Variants in VGF observed in about 807,000 individuals in gnomAD.
VGF encodes the protein neurosecretory protein VGF.
Under a neutral mutation model 41.1 loss-of-function variants are expected in VGF, and 13 were observed. The ratio of observed to expected loss-of-function variants is 0.32; its 90% confidence interval spans 0.21 to 0.50. VGF has a LOEUF of 0.50. VGF is among the 20% of genes least tolerant of loss of function. The pLI, the probability that VGF is intolerant of heterozygous loss-of-function variation, is 0.98. For synonymous variants in VGF, 473 were observed against 418.3 expected (o/e 1.13, Z -1.60); for missense variants, 920 against 882.1 (o/e 1.04, Z -0.54).
chr7:101,162,837 G>T lies in VGF; in HGVS notation c.*159C>A, dbSNP rs867236981. 1 of 666,852 alleles carries T rather than the reference G, an allele frequency of 1.5e-6. No individual in the cohort carries two copies. Among genetic ancestry groups the T allele is most frequent in the Non-Finnish European group, 2.7e-6 (1 of 366,334 alleles). 41.3% of individuals were successfully genotyped at this position (666,852 alleles called of 1,614,324 possible). On this transcript the variant is annotated 3_prime_UTR_variant, in exon 2 of 2. Transcript: ENST00000249330. This position sits in a 1 kb window ranked among gnomAD's most constrained non-coding sequence, Gnocchi z 4.2. ...GGGAGTTCGGGCTCAGGACCCGGGA[G>T]GGGGGTCTGGCAGGTCCCGACGCAG...
rs780044479 is a variant in VGF at position 101,164,237 on chromosome 7, C to G, written c.607G>C (p.Glu203Gln). ...CCCCAGGAAGCGCGCCATACGCGCTCTGGCCCCGGGCTCTCCAGATTCACT... is the reference window on the plus strand; with the variant it reads ...CCCCAGGAAGCGCGCCATACGCGCTGTGGCCCCGGGCTCTCCAGATTCACT... Reference protein sequence around the residue: ...TRVNLESPGPERVWRASWGEF... With the variant: ...TRVNLESPGPQRVWRASWGEF... The change falls in exon 2 of 2, where the codon GAG (glutamate) becomes CAG (glutamine). Residue 203 changes from glutamate to glutamine, a missense_variant. Transcript: ENST00000249330. The G allele has an allele frequency of 1.1e-5, 18 of 1,581,274 alleles. No individual in the cohort carries two copies. The highest frequency in any genetic ancestry group is 1.5e-5 in the Non-Finnish European group (17 of 1,165,914).
upstream of VGF, among the ~76,000 whole-genome samples, chr7:101,168,016 T>G (rs1361542682): frequency 3.0e-5 from 3 of 98,898 alleles, no homozygotes; most frequent in South Asian, 1.0e-3. Flanking sequence ...GTTGTTTTTT[T>G]TTGTTTTTTT....
chr7:101,166,764 CG>C (rs1179354324), upstream of VGF, among the ~76,000 whole-genome samples: 2 of 43,030 alleles, frequency 4.6e-5, no homozygotes, highest in East Asian at 8.8e-4. Flanking sequence ...GGAGACCAGC[CG>C]TGGGCGGGGG....
At position 101,164,370 on chromosome 7, in the gene VGF, C is replaced by A. The variant is rs774284715; in HGVS notation, c.474G>T (p.Ala158=). The A allele has an allele frequency of 3.1e-6, 5 of 1,611,822 alleles. No homozygotes were observed. The East Asian group carries it at 8.9e-5, about 29-fold the overall frequency. Residue 158 remains alanine, a synonymous_variant, in exon 2 of 2, where the codon GCG becomes GCT. Coordinates refer to ENST00000249330, the MANE Select transcript of VGF (RefSeq NM_003378.4). ...EASDPSEELE[A]LASLLQELRD... ...GCAGTTCCTGGAGCAGGGACGCTAG[C>A]GCCTCGAGCTCCTCGGAGGGATCGC...
Position 101,163,903 on chromosome 7 carries a change from G to T in VGF, c.941C>A (p.Thr314Lys), listed in dbSNP as rs1425866530. The change falls in exon 2 of 2, where the codon ACG (threonine) becomes AAG (lysine). Residue 314 changes from threonine to lysine, a missense_variant. Thr to Lys is a moderately conservative substitution (Grantham distance 78). This residue lies in a region of VGF where 654 missense variants were observed against 638.4 expected (regional missense o/e 1.02). Transcript: ENST00000249330. The surrounding 1 kb of genome is among the most constrained non-coding windows in gnomAD (Gnocchi z 5.0). Reference protein sequence around the residue: ...VEAGRRQAEATRQAAAQEERL... With the variant: ...VEAGRRQAEAKRQAAAQEERL... ...CTCTTCCTGCGCCGCGGCCTGCCGCGTGGCCTCCGCCTGCCGCCGCCCGGC... is the reference window on the plus strand; with the variant it reads ...CTCTTCCTGCGCCGCGGCCTGCCGCTTGGCCTCCGCCTGCCGCCGCCCGGC... The T allele has an allele frequency of 2.7e-6, 4 of 1,472,572 alleles. No individual in the cohort carries two copies. The Admixed American group carries it at 7.4e-5, about 27-fold the overall frequency. 91.2% of individuals were successfully genotyped at this position (1,472,572 alleles called of 1,614,324 possible).
In VGF at chr7:101,162,901, C is replaced by T. The variant is rs1266798365; in HGVS notation, c.*95G>A. 2.9e-6 allele frequency: 2 copies of T among 696,434 alleles called. No homozygotes were observed. The highest frequency in any genetic ancestry group is 4.5e-6 in the Non-Finnish European group (2 of 440,186). The allele number at this position is 696,434 out of a possible 1,614,324, so 43.1% of individuals were successfully genotyped here. A position where few individuals can be genotyped will look rare whatever the true frequency, so the allele number is the denominator to read the frequency against. On this transcript the variant is annotated 3_prime_UTR_variant, in exon 2 of 2. Transcript: ENST00000249330. This position sits in a 1 kb window ranked among gnomAD's most constrained non-coding sequence, Gnocchi z 4.2. The stretch of plus-strand genomic sequence containing the variant: ...GCAGGGCCAAGGGGCAGGGCCGGGG[C>T]GCATGCAAACACCGAGGGGGAGCGG...
chr7:101,164,469 G>T lies in VGF; in HGVS notation c.375C>A (p.Ser125Arg), dbSNP rs745858208. The T allele has an allele frequency of 1.2e-6, 2 of 1,602,786 alleles. No individual in the cohort carries two copies. The highest frequency in any genetic ancestry group is 2.2e-5 in the South Asian group (2 of 90,924). The change falls in exon 2 of 2, where the codon AGC becomes AGA. Residue 125 changes from serine to arginine, a missense_variant. Ser to Arg is a moderately radical substitution (Grantham distance 110). Transcript: ENST00000249330. The stretch of plus-strand genomic sequence containing the variant: ...GCTCCGGGCTCTCCGGCGCCGGGAG[G>T]CTGTGGGTCTGGCTGCGCACGGTCT... ...LTETVRSQTH[S>R]LPAPESPEPA...
At chr7:101,166,373 C>A (rs886528777), upstream of VGF, among the ~76,000 whole-genome samples, 1 of 152,192 alleles carries the variant, frequency 6.6e-6, no homozygotes, top group Non-Finnish European at 1.5e-5. Flanking sequence ...CCCTGACTGC[C>A]GCTTGTGTCA....
In VGF at chr7:101,164,060, A is replaced by G. The variant is rs760537664; in HGVS notation, c.784T>C (p.Leu262=). The stretch of plus-strand genomic sequence containing the variant: ...TGGTACGCCTTGGACAGGGGTGCCA[A>G]TGCCTCGCCTAGGTGTGTTTTGGGG... The part of the protein sequence containing the change: ...SSPKTHLGEA[L]APLSKAYQGV... The change falls in exon 2 of 2, where the codon TTG becomes CTG. Residue 262 remains leucine (L), a synonymous_variant. Transcript: ENST00000249330. 5 of 1,498,150 alleles carry G rather than the reference A, an allele frequency of 3.3e-6. No individual in the cohort carries two copies. The highest frequency in any genetic ancestry group is 1.3e-5 in the South Asian group (1 of 74,554). 92.8% of individuals were successfully genotyped at this position (1,498,150 alleles called of 1,614,324 possible).
At position 101,163,000 on chromosome 7, in the gene VGF, G is replaced by A. The variant is rs763478186; in HGVS notation, c.1844C>T (p.Pro615Leu). 25 of 1,435,834 alleles carry A rather than the reference G, an allele frequency of 1.7e-5. No homozygotes were observed. Among genetic ancestry groups the A allele is most frequent in the Non-Finnish European group, 1.9e-5 (21 of 1,092,508 alleles). The allele number at this position is 1,435,834 out of a possible 1,614,324, so 88.9% of individuals were successfully genotyped here. ...NYIEHVLLRR[P>L] ...GGGCGGGACCGGGAAGGGCAGTCAC[G>A]GGCGCCGGAGCAGCACGTGCTCGAT... Residue 615 changes from proline to leucine, a missense_variant, in exon 2 of 2, where the codon CCG (proline) becomes CTG (leucine). Physicochemically the swap from Pro to Leu is moderately conservative, Grantham distance 98. Around this residue, in one of 3 missense-constraint regions of VGF, gnomAD observed 257 missense variants for 217.2 expected, o/e 1.18. Coordinates refer to ENST00000249330, the MANE Select transcript of VGF (RefSeq NM_003378.4). This position sits in a 1 kb window ranked among gnomAD's most constrained non-coding sequence, Gnocchi z 4.2.
In VGF at chr7:101,164,210, C is replaced by T; in HGVS notation, c.634G>A (p.Glu212Lys). 1 of 1,557,256 alleles carries T rather than the reference C, an allele frequency of 6.4e-7. No individual in the cohort carries two copies. Among genetic ancestry groups the T allele is most frequent in the Non-Finnish European group, 8.7e-7 (1 of 1,154,914 alleles). The change falls in exon 2 of 2, where the codon GAG becomes AAG. Residue 212 changes from glutamate (E) to lysine (K), a missense_variant. Glu to Lys is a moderately conservative substitution (Grantham distance 56, BLOSUM62 1). This residue lies in a region of VGF where 654 missense variants were observed against 638.4 expected (regional missense o/e 1.02). Transcript: ENST00000249330. ...PERVWRASWG[E>K]FQARVPERAP... ...CGCTCCGGGACACGCGCCTGGAACT[C>T]TCCCCAGGAAGCGCGCCATACGCGC...
intron 1 of VGF, 197 bp from the exon 2 acceptor site, chr7:101,165,060 A>C (rs1584213720): frequency 3.2e-6 from 4 of 1,259,760 alleles, no homozygotes; most frequent in South Asian, 6.5e-5. Flanking sequence ...TGGGAAAATA[A>C]CCCCCGAAGC....
chr7:101,165,823 G>A (rs1418878205), upstream of VGF, among the ~76,000 whole-genome samples: 1 of 152,210 alleles, frequency 6.6e-6, no homozygotes, highest in Non-Finnish European at 1.5e-5. Context: ...ATGCTGAAGC[G>A]GGCAGGGCGG....
intron 1 of VGF, 170 bp from the exon 2 acceptor site, chr7:101,165,033 C>T (rs906297272): frequency 1.6e-5 from 21 of 1,314,208 alleles, no homozygotes; most frequent in Non-Finnish European, 1.9e-5. Context: ...TTGTGCCGAT[C>T]TCTGGAGCCG....
Position 101,163,588 on chromosome 7 carries a change from C to G in VGF, c.1256G>C (p.Arg419Pro). 2 of 1,566,830 alleles carry G rather than the reference C, an allele frequency of 1.3e-6. No homozygotes were observed. Among genetic ancestry groups the G allele is most frequent in the Non-Finnish European group, 1.7e-6 (2 of 1,156,908 alleles). ...GTGGCCCGGCGTCTCCTCCTGGGAG[C>G]GCTTGTCCTCGGCGCCGGCTTCCCC... Reference protein sequence around the residue: ...EDGEAGAEDKRSQEETPGHRR... With the variant: ...EDGEAGAEDKPSQEETPGHRR... The change falls in exon 2 of 2, where the codon CGC (arginine) becomes CCC (proline). Residue 419 changes from arginine (R) to proline (P), a missense_variant. Around this residue, in one of 3 missense-constraint regions of VGF, gnomAD observed 654 missense variants for 638.4 expected, o/e 1.02. Transcript: ENST00000249330. The surrounding 1 kb of genome is among the most constrained non-coding windows in gnomAD (Gnocchi z 5.0).
chr7:101,168,417 G>A (rs1265741794), upstream of VGF, among the ~76,000 whole-genome samples: 5 of 152,198 alleles, frequency 3.3e-5, no homozygotes, highest in East Asian at 3.9e-4. Flanking sequence ...CACACTACTC[G>A]CCTCTACTGG....
At position 101,164,083 on chromosome 7, in the gene VGF, G is replaced by T; in HGVS notation, c.761C>A (p.Pro254His). The change falls in exon 2 of 2, where the codon CCC becomes CAC. Residue 254 changes from proline to histidine, a missense_variant. Coordinates refer to ENST00000249330, the MANE Select transcript of VGF (RefSeq NM_003378.4). ...CAATGCCTCGCCTAGGTGTGTTTTG[G>T]GGGAGGACACTCCTTCCCCGAACTT... ...THKFGEGVSS[P>H]KTHLGEALAP... 1.3e-6 allele frequency: 2 copies of T among 1,500,290 alleles called. No homozygotes were observed. The highest frequency in any genetic ancestry group is 1.8e-6 in the Non-Finnish European group (2 of 1,132,318). The allele number at this position is 1,500,290 out of a possible 1,614,324, so 92.9% of individuals were successfully genotyped here. A position where few individuals can be genotyped will look rare whatever the true frequency, so the allele number is the denominator to read the frequency against.
At chr7:101,167,565 G>C (rs1200543965), upstream of VGF, among the ~76,000 whole-genome samples, 1 of 152,112 alleles carries the variant, frequency 6.6e-6, no homozygotes, top group Non-Finnish European at 1.5e-5. The surrounding 1 kb of genome is among the most constrained non-coding windows in gnomAD (Gnocchi z 4.2). Context: ...GGATGAATCA[G>C]AGAGAGATGG....
upstream of VGF, among the ~76,000 whole-genome samples, chr7:101,165,789 T>C (rs1229447551): frequency 6.6e-6 from 1 of 151,048 alleles, no homozygotes; most frequent in African/African-American, 2.4e-5. Context: ...CTCCGGGAAA[T>C]GAATGAATGA....
Sources: allele counts gnomAD v4.1 joint callset (sites outside exome capture counted in the v4.1 genomes callset), GRCh38; gene constraint gnomAD v4.1.1; regional missense constraint gnomAD v4.1.1; non-coding constraint Gnocchi (gnomAD v3.1); transcripts MANE v1.5; gene names NCBI Gene and HGNC (gene_info 2026-07-23, HGNC 2026-07-21).